The following ETV6 variants were observed in gnomAD, a reference collection of about 807,000 sequenced individuals.
ETV6 encodes transcription factor ETV6.
Under a neutral mutation model 51.1 loss-of-function variants are expected in ETV6, and 16 were observed. That is an observed-to-expected ratio of 0.31 (90% CI 0.21 to 0.48). The LOEUF is 0.48. Among genes scored for constraint, ETV6 ranks in the 20% least tolerant of loss-of-function variants. The pLI is 0.99. For synonymous variants in ETV6, 240 were observed against 224.1 expected (o/e 1.07, Z -0.64); for missense variants, 458 against 594.8 (o/e 0.77, Z 2.39).
chr12:11,796,674 G>C (rs1020567662), intron 2 of ETV6, among the ~76,000 whole-genome samples: 1 of 152,152 alleles, frequency 6.6e-6, no homozygotes, highest in African/African-American at 2.4e-5. Context: ...AGGACACCAA[G>C]GCTGTGCAAT....
At chr12:11,655,300 AT>A (rs1863980510) in intron 1 of ETV6, among the ~76,000 whole-genome samples, 1 of 152,044 alleles carries the variant, frequency 6.6e-6, no homozygotes, top group Non-Finnish European at 1.5e-5. Context: ...CCACTTCCAT[AT>A]TTGTTGTTAG....
At chr12:11,734,454 A>T (rs1256637259) in intron 1 of ETV6, among the ~76,000 whole-genome samples, 1 of 151,704 alleles carries the variant, frequency 6.6e-6, no homozygotes, top group Non-Finnish European at 1.5e-5. Context: ...AAAAAATATA[A>T]AAATTAGCTG....
chr12:11,704,515 T>G (rs1229746022), intron 1 of ETV6, among the ~76,000 whole-genome samples: 2 of 152,038 alleles, frequency 1.3e-5, no homozygotes, highest in African/African-American at 4.8e-5. Context: ...ACCGGCTAAT[T>G]TTTGTATTTT....
rs912426194 is a variant in ETV6 at position 11,893,499 on chromosome 12, C to A, written c.*2453C>A. 18 of 231,440 alleles carry A rather than the reference C, an allele frequency of 7.8e-5. No homozygotes were observed. In the Admixed American group the frequency reaches 9.6e-4, roughly 12 times the overall value. 14.3% of individuals were successfully genotyped at this position (231,440 alleles called of 1,614,324 possible). A position where few individuals can be genotyped will look rare whatever the true frequency, so the allele number is the denominator to read the frequency against. ...AAGAAGAAATAGAAGGCGCTCATTC[C>A]AATATAGTCTTTATTTCCCATTCAG... On this transcript the variant is annotated 3_prime_UTR_variant, in exon 8 of 8. Coordinates refer to ENST00000396373, the MANE Select transcript of ETV6 (RefSeq NM_001987.5).
intron 1 of ETV6, among the ~76,000 whole-genome samples, chr12:11,686,786 G>A (rs1003630817): frequency 6.6e-6 from 1 of 152,118 alleles, no homozygotes; most frequent in Non-Finnish European, 1.5e-5. Context: ...CACAGTGCTG[G>A]TATTAACAGG....
chr12:11,833,506 T>C (rs1565543945), intron 2 of ETV6, among the ~76,000 whole-genome samples: 2 of 152,340 alleles, frequency 1.3e-5, no homozygotes, highest in Admixed American at 6.5e-5. Flanking sequence ...TAATTTGATA[T>C]CCTGCCAAAA....
chr12:11,892,806 TC>T lies in ETV6; in HGVS notation c.*1763del, dbSNP rs549706950. On this transcript the variant is annotated 3_prime_UTR_variant, in exon 8 of 8. Transcript: ENST00000396373. Reference sequence around the variant, plus strand: ...TGGGTCACACAGGCAAGAGGAATTTTCCCTCGGCCTTACTGACAAGGACACC... The same window carrying T: ...TGGGTCACACAGGCAAGAGGAATTTTCCTCGGCCTTACTGACAAGGACACC... 100 of 233,012 alleles carry T rather than the reference TC, an allele frequency of 4.3e-4. No individual in the cohort carries two copies. Among genetic ancestry groups the T allele is most frequent in the Middle Eastern group, 1.3e-3 (1 of 786 alleles). The allele number at this position is 233,012 out of a possible 1,614,324, so 14.4% of individuals were successfully genotyped here.
At chr12:11,742,805 C>CTTTTTTTTTTTTTTT (rs751007395) in intron 1 of ETV6, among the ~76,000 whole-genome samples, 1 of 78,684 alleles carries the variant, frequency 1.3e-5, no homozygotes, top group Admixed American at 1.7e-4. Context: ...TTCTTTCTTT[C>CTTTTTTTTTTTTTTT]TTTTTTTTTT....
intron 2 of ETV6, among the ~76,000 whole-genome samples, chr12:11,788,109 A>G (rs1356966036): frequency 6.6e-6 from 1 of 152,238 alleles, no homozygotes; most frequent in Non-Finnish European, 1.5e-5. Flanking sequence ...CCATTAAAAG[A>G]TTAAGCCTAA....
At chr12:11,829,561 C>T (rs1477878536) in intron 2 of ETV6, among the ~76,000 whole-genome samples, 3 of 152,188 alleles carry the variant, frequency 2.0e-5, no homozygotes, top group Non-Finnish European at 4.4e-5. Context: ...AAGAACTCTT[C>T]TAAGTCACGT....
chr12:11,826,682 C>T (rs1043609641), intron 2 of ETV6: 1 of 152,194 alleles, frequency 6.6e-6, no homozygotes, highest in East Asian at 1.9e-4. Context: ...TTCATCCAAA[C>T]GAATGAATAA....
At chr12:11,722,182 C>A (rs947391602) in intron 1 of ETV6, among the ~76,000 whole-genome samples, 2 of 152,158 alleles carry the variant, frequency 1.3e-5, no homozygotes, top group East Asian at 3.8e-4. Context: ...AATAATAATT[C>A]TTCTCCCACC....
chr12:11,730,363 T>C (rs541157737), intron 1 of ETV6, among the ~76,000 whole-genome samples: 1 of 152,348 alleles, frequency 6.6e-6, no homozygotes, highest in East Asian at 1.9e-4. Flanking sequence ...CATAACCTGC[T>C]TGACAAGTCC....
intron 3 of ETV6, among the ~76,000 whole-genome samples, chr12:11,839,572 A>G (rs1326541928): frequency 6.6e-6 from 1 of 152,226 alleles, no homozygotes; most frequent in East Asian, 1.9e-4. Flanking sequence ...TAAGGGCTCT[A>G]ACTGTGCCAC....
Position 11,893,655 on chromosome 12 carries a change from T to C in ETV6, c.*2609T>C, listed in dbSNP as rs1433871616. 4.3e-6 allele frequency: 1 copy of C among 230,762 alleles called. No individual in the cohort carries two copies. Among genetic ancestry groups the C allele is most frequent in the Non-Finnish European group, 8.6e-6 (1 of 116,690 alleles). 14.3% of individuals were successfully genotyped at this position (230,762 alleles called of 1,614,324 possible). A position where few individuals can be genotyped will look rare whatever the true frequency, so the allele number is the denominator to read the frequency against. ...ACAAACACATTTGCTTTCTTATGGT[T>C]CAATGTACACAAACTGTTTTATATA... On this transcript the variant is annotated 3_prime_UTR_variant, in exon 8 of 8. Coordinates refer to ENST00000396373, the MANE Select transcript of ETV6 (RefSeq NM_001987.5).
chr12:11,884,682 C>A, intron 6 of ETV6, 95 bp downstream of exon 6: 1 of 1,469,034 alleles, frequency 6.8e-7, no homozygotes, highest in Non-Finnish European at 9.4e-7. Flanking sequence ...CTGCTTTTTA[C>A]GTCTGCCCAT....
chr12:11,737,998 T>C (rs933704800), intron 1 of ETV6, among the ~76,000 whole-genome samples: 14 of 152,216 alleles, frequency 9.2e-5, no homozygotes, highest in African/African-American at 3.4e-4. Context: ...TGGCTAGAAT[T>C]GGAGATAGAA....
At chr12:11,650,613 G>A (rs1591584656) in intron 1 of ETV6, among the ~76,000 whole-genome samples, 1 of 151,336 alleles carries the variant, frequency 6.6e-6, no homozygotes, top group East Asian at 1.9e-4. Flanking sequence ...TTTCCACTGC[G>A]ATAGAATCTT....
intron 2 of ETV6, among the ~76,000 whole-genome samples, chr12:11,756,351 A>G (rs1565513716): frequency 6.6e-6 from 1 of 152,120 alleles, no homozygotes. Context: ...AAACACAAGT[A>G]TGTTTGTTGA....
Sources: allele counts gnomAD v4.1 joint callset (sites outside exome capture counted in the v4.1 genomes callset), GRCh38; gene constraint gnomAD v4.1.1; transcripts MANE v1.5; gene names NCBI Gene and HGNC (gene_info 2026-07-23, HGNC 2026-07-21).